The following FMN1 variants were observed in gnomAD, a reference collection of about 807,000 sequenced individuals.
FMN1 encodes formin-1.
Under a neutral mutation model 132.4 loss-of-function variants are expected in FMN1, and 110 were observed. The observed-to-expected ratio is 0.83, with a 90% CI of 0.71 to 0.97. FMN1 has a LOEUF of 0.97. Among genes scored for constraint, FMN1 ranks in the 50% least tolerant of loss-of-function variants. The probability of loss-of-function intolerance (pLI) is 0.00; values close to 1 mark genes in which losing one functional copy is unlikely to be tolerated. For missense variants in FMN1, 1,792 were observed against 1,705.3 expected (o/e 1.05, Z -0.90); for synonymous variants, 722 against 651.7 (o/e 1.11, Z -1.64).
At position 33,030,050 on chromosome 15, in the gene FMN1, C is replaced by T. The variant is rs182521296; in HGVS notation, c.2162-21975G>A. ...GCGGGTACCTGTAGTCCCAGCTACT[C>T]GGGAGGCCGAGGCAGGAGAATGGCG... is the stretch of plus-strand genomic sequence containing the variant. On this transcript the variant is annotated intron_variant, in intron 6 of 20. Transcript: ENST00000616417. Among the ~76,000 whole-genome samples the T allele has an allele frequency of 9.7e-4, 148 of 152,202 alleles. 1 individual carries two copies. Among genetic ancestry groups the T allele is most frequent in the South Asian group, 3.5e-3 (17 of 4,812 alleles).
At chr15:32,842,787 C>CATT (rs1555470144) in intron 17 of FMN1, among the ~76,000 whole-genome samples, 1 of 139,944 alleles carries the variant, frequency 7.1e-6, no homozygotes, top group Non-Finnish European at 1.5e-5. Context: ...GGAACCTCAG[C>CATT]TTTTTTTTTT....
intron 3 of FMN1, among the ~76,000 whole-genome samples, chr15:33,161,858 C>A (rs1389266642): frequency 6.6e-6 from 1 of 151,114 alleles, no homozygotes; most frequent in Non-Finnish European, 1.5e-5. Flanking sequence ...GTGGAGCTTG[C>A]AATGAGACGA....
Position 33,085,720 on chromosome 15 carries a change from G to C in FMN1, c.2043+3079C>G, listed in dbSNP as rs1255946817. The stretch of plus-strand genomic sequence containing the variant: ...TCCACCTCCTAGAATTTTATCATAA[G>C]GAAATAGTCCTAAATAATGGGGGGA... On this transcript the variant is annotated intron_variant, in intron 5 of 20. Transcript: ENST00000616417. 2.0e-5 allele frequency among the ~76,000 whole-genome samples: 3 copies of C among 151,500 alleles called. No individual in the cohort carries two copies. In the South Asian group the frequency reaches 6.3e-4, roughly 32 times the overall value.
chr15:32,817,950 T>C (rs1027237738), intron 17 of FMN1, among the ~76,000 whole-genome samples: 7 of 152,244 alleles, frequency 4.6e-5, no homozygotes, highest in African/African-American at 1.7e-4. Flanking sequence ...GGTCACTTTT[T>C]CCCTGCTTTT....
intron 10 of FMN1, among the ~76,000 whole-genome samples, chr15:32,922,177 G>A (rs2060844077): frequency 6.6e-6 from 1 of 152,128 alleles, no homozygotes. Flanking sequence ...CTTATGTGCT[G>A]TTGTAGTCAT....
chr15:32,795,882 G>A (rs114227165), intron 19 of FMN1, among the ~76,000 whole-genome samples: 32 of 152,246 alleles, frequency 2.1e-4, no homozygotes, highest in African/African-American at 7.5e-4. Context: ...AATATACCAC[G>A]ACACAGTAGA....
intron 16 of FMN1, among the ~76,000 whole-genome samples, chr15:32,861,725 A>G (rs1310059366): frequency 6.6e-6 from 1 of 152,218 alleles, no homozygotes; most frequent in Non-Finnish European, 1.5e-5. Context: ...GAAATATGCC[A>G]CGGTGCAAAT....
intron 4 of FMN1, among the ~76,000 whole-genome samples, chr15:33,104,791 GTAT>G (rs886384460): frequency 6.6e-6 from 1 of 152,010 alleles, no homozygotes; most frequent in Admixed American, 6.6e-5. Flanking sequence ...ATTTGTAAAG[GTAT>G]TACTTTACTA....
intron 3 of FMN1, among the ~76,000 whole-genome samples, chr15:33,164,454 A>G (rs1033696179): frequency 1.5e-4 from 23 of 152,134 alleles, no homozygotes; most frequent in African/African-American, 4.3e-4. Flanking sequence ...TATTAAAGGG[A>G]AAAAAAGGGC....
At chr15:33,004,032 C>A (rs1032002463) in intron 7 of FMN1, among the ~76,000 whole-genome samples, 2 of 151,956 alleles carry the variant, frequency 1.3e-5, no homozygotes, top group South Asian at 2.1e-4. Flanking sequence ...ACACCTTATA[C>A]AAAAATTAAT....
chr15:32,997,783 T>C (rs2033863325), intron 7 of FMN1, among the ~76,000 whole-genome samples: 1 of 152,118 alleles, frequency 6.6e-6, no homozygotes, highest in Admixed American at 6.5e-5. Context: ...TCACTTACAC[T>C]TCCAAAGCTG....
At position 33,153,811 on chromosome 15, in the gene FMN1, G is replaced by C; in HGVS notation, c.1104C>G (p.Ala368=). 1 of 1,536,380 alleles carries C rather than the reference G, an allele frequency of 6.5e-7. No homozygotes were observed. The highest frequency in any genetic ancestry group is 8.7e-7 in the Non-Finnish European group (1 of 1,146,986). The part of the protein sequence containing the change: ...PAAHAEFVPK[A]DLLTLPGAEA... ...CAGCTCCCGGGAGGGTGAGCAAGTC[G>C]GCTTTGGGTACAAACTCAGCGTGGG... The change falls in exon 4 of 21, where the codon GCC becomes GCG. Residue 368 remains alanine, a synonymous_variant. Coordinates refer to ENST00000616417, the MANE Select transcript of FMN1 (RefSeq NM_001277313.2).
At chr15:33,161,919 A>G (rs1964910594) in intron 3 of FMN1, among the ~76,000 whole-genome samples, 1 of 71,414 alleles carries the variant, frequency 1.4e-5, no homozygotes, top group South Asian at 3.9e-4. Flanking sequence ...CTCCGTCTCA[A>G]AAAACAAAAA....
intron 7 of FMN1, among the ~76,000 whole-genome samples, chr15:32,980,587 G>A (rs1033254186): frequency 3.3e-5 from 5 of 152,098 alleles, no homozygotes; most frequent in African/African-American, 2.4e-5. Context: ...CTACTACTGG[G>A]GTACTTGGTT....
intron 16 of FMN1, among the ~76,000 whole-genome samples, chr15:32,859,265 A>G (rs1221797380): frequency 6.6e-6 from 1 of 152,172 alleles, no homozygotes; most frequent in Non-Finnish European, 1.5e-5. Context: ...AGAAGATAAA[A>G]CTATTAATGG....
chr15:33,086,771 T>C (rs1243069701), intron 5 of FMN1, among the ~76,000 whole-genome samples: 1 of 152,240 alleles, frequency 6.6e-6, no homozygotes, highest in Non-Finnish European at 1.5e-5. Flanking sequence ...ACTTTACTAA[T>C]TCTCATGTCA....
At chr15:33,121,611 C>T (rs1962565892) in intron 4 of FMN1, among the ~76,000 whole-genome samples, 2 of 152,182 alleles carry the variant, frequency 1.3e-5, no homozygotes, top group African/African-American at 4.8e-5. Flanking sequence ...TCACTGCAAC[C>T]TCCACCTCCC....
intron 6 of FMN1, among the ~76,000 whole-genome samples, chr15:33,013,852 T>C (rs2034881137): frequency 6.6e-6 from 1 of 152,232 alleles, no homozygotes; most frequent in Non-Finnish European, 1.5e-5. Context: ...CCTTTGAGAA[T>C]AGCATCTACA....
chr15:32,908,641 C>T (rs2060486791), intron 11 of FMN1, 63 bp from the exon 12 acceptor site: 1 of 996,560 alleles, frequency 1.0e-6, no homozygotes, highest in East Asian at 2.6e-5. Context: ...GAGACTCTGG[C>T]TATGGCAGTG....
Sources: gnomAD v4.1 joint callset for allele counts (sites outside exome capture counted in the v4.1 genomes callset) on GRCh38, gnomAD v4.1.1 for gene constraint, MANE v1.5 for transcripts, NCBI Gene and HGNC (gene_info 2026-07-23, HGNC 2026-07-21) for gene names.